The following CYP2C8 variants were observed in gnomAD, a reference collection of about 807,000 sequenced individuals.
CYP2C8 encodes cytochrome P450 family 2 subfamily C member 8.
CYP2C8 carries 51 observed loss-of-function variants against 41.3 expected under a neutral mutation model. That is an observed-to-expected ratio of 1.24 (90% CI 0.99 to 1.56). CYP2C8 has a LOEUF of 1.56. Among genes scored for constraint, CYP2C8 ranks in the 40% most tolerant of loss-of-function variants. The pLI is 0.00. For synonymous variants in CYP2C8, 218 were observed against 205.8 expected, an observed-to-expected ratio of 1.06 and a Z score of -0.51; for missense variants, 651 against 579.9, an observed-to-expected ratio of 1.12 and a Z score of -1.26.
At chr10:95,047,021 C>A (rs1253978546) in intron 5 of CYP2C8, among the ~76,000 whole-genome samples, 1 of 152,126 alleles carries the variant, frequency 6.6e-6, no homozygotes, top group Admixed American at 6.5e-5. Context: ...TTGATGTTAT[C>A]CTGATAATAA....
chr10:95,059,822 A>G (rs1192205096), intron 4 of CYP2C8, among the ~76,000 whole-genome samples: 1 of 152,176 alleles, frequency 6.6e-6, no homozygotes, highest in Non-Finnish European at 1.5e-5. Flanking sequence ...ATTTTTGTAT[A>G]AGGTGTAAGG....
At chr10:95,069,049 C>A (rs556140037) in intron 1 of CYP2C8, 186 bp downstream of exon 1, 28 of 679,226 alleles carry the variant, frequency 4.1e-5, no homozygotes, top group Non-Finnish European at 3.4e-5. Flanking sequence ...GGCAATAGAG[C>A]GAGACTCCGT....
intron 3 of CYP2C8, 47 bp from the exon 4 acceptor site, chr10:95,065,007 T>A: frequency 7.4e-7 from 1 of 1,353,004 alleles, no homozygotes; most frequent in South Asian, 2.0e-5. Context: ...AATAAATATT[T>A]AAAAGATTTG....
intron 4 of CYP2C8, among the ~76,000 whole-genome samples, chr10:95,064,346 G>T (rs1206256582): frequency 1.3e-5 from 2 of 152,182 alleles, no homozygotes; most frequent in African/African-American, 4.8e-5. Context: ...CCCTCCCCCA[G>T]CCTCGCTGCT....
intron 5 of CYP2C8, among the ~76,000 whole-genome samples, chr10:95,054,798 C>T (rs1386099804): frequency 6.6e-6 from 1 of 152,052 alleles, no homozygotes; most frequent in Non-Finnish European, 1.5e-5. Flanking sequence ...GAAATAGTTA[C>T]ATTTGCAATA....
intron 4 of CYP2C8, 61 bp downstream of exon 4, chr10:95,064,739 C>A: frequency 6.5e-7 from 1 of 1,530,034 alleles, no homozygotes; most frequent in Non-Finnish European, 9.0e-7. Context: ...CATTTTTAAA[C>A]CAAGTCTTCC....
chr10:95,058,237 G>T, intron 5 of CYP2C8, 98 bp downstream of exon 5: 1 of 1,537,846 alleles, frequency 6.5e-7, no homozygotes, highest in Non-Finnish European at 8.9e-7. Flanking sequence ...AGCATTACTG[G>T]CCTGATCATT....
chr10:95,048,336 G>A (rs1291352323), intron 5 of CYP2C8, among the ~76,000 whole-genome samples: 1 of 152,158 alleles, frequency 6.6e-6, no homozygotes, highest in Non-Finnish European at 1.5e-5. Context: ...ACAGTGCTTG[G>A]GTTCCACTCT....
chr10:95,045,740 G>T, intron 6 of CYP2C8, 70 bp downstream of exon 6: 2 of 1,576,550 alleles, frequency 1.3e-6, no homozygotes, highest in East Asian at 4.5e-5. Flanking sequence ...GAGAAACAAG[G>T]TGGAGGATAC....
chr10:95,057,703 G>GA (rs1349469866), intron 5 of CYP2C8, among the ~76,000 whole-genome samples: 1 of 152,026 alleles, frequency 6.6e-6, no homozygotes, highest in Non-Finnish European at 1.5e-5. Context: ...AATTCAATAG[G>GA]AAAAAATATA....
intron 3 of CYP2C8, among the ~76,000 whole-genome samples, chr10:95,066,981 T>G (rs957324901): frequency 6.6e-6 from 1 of 152,200 alleles, no homozygotes; most frequent in Non-Finnish European, 1.5e-5. Flanking sequence ...AAAATAGGAT[T>G]AAATGACCTT....
At chr10:95,046,748 TAAAAAAAAA>T (rs56702266) in intron 5 of CYP2C8, among the ~76,000 whole-genome samples, 1 of 128,984 alleles carries the variant, frequency 7.8e-6, no homozygotes, top group Admixed American at 8.0e-5. Context: ...CTAAATATGG[TAAAAAAAAA>T]AAAAAAAAAA....
Position 95,066,677 on chromosome 10 carries a change from C to G in CYP2C8, c.481+531G>C, listed in dbSNP as rs1003776573. Among the ~76,000 whole-genome samples, 3 of 152,224 alleles carry G rather than the reference C, an allele frequency of 2.0e-5. No individual in the cohort carries two copies. In the East Asian group the frequency reaches 5.8e-4, roughly 29 times the overall value. On this transcript the variant is annotated intron_variant, in intron 3 of 8. Coordinates refer to ENST00000371270, the MANE Select transcript of CYP2C8 (RefSeq NM_000770.3). Reference sequence around the variant, plus strand: ...AAGCAAGTAAAACCATACATAGTGTCATTGCTGGCCAGAGCTGTAGGCATG... The same window carrying G: ...AAGCAAGTAAAACCATACATAGTGTGATTGCTGGCCAGAGCTGTAGGCATG...
rs1489483336 is a variant in CYP2C8, at chr10:95,043,216, C to A, written c.962-139G>T. 3 of 736,538 alleles carry A rather than the reference C, an allele frequency of 4.1e-6. No individual in the cohort carries two copies. In the African/African-American group the frequency reaches 5.3e-5, roughly 13 times the overall value. 45.6% of individuals were successfully genotyped at this position (736,538 alleles called of 1,614,324 possible). A position where few individuals can be genotyped will look rare whatever the true frequency, so the allele number is the denominator to read the frequency against. ...GTTACATGTCCAGAAGTACAACCAG[C>A]CATATAAAAAGAATTACCATAATAT... On this transcript the variant is annotated intron_variant, in intron 6 of 8. Transcript: ENST00000371270.
At position 95,067,634 on chromosome 10, in the gene CYP2C8, C is replaced by A; in HGVS notation, c.226G>T (p.Val76Leu). 1.2e-6 allele frequency: 2 copies of A among 1,614,128 alleles called. No individual in the cohort carries two copies. The highest frequency in any genetic ancestry group is 2.7e-5 in the African/African-American group (2 of 75,030). Residue 76 changes from valine to leucine, a missense_variant, in exon 2 of 9, where the codon GTG (valine) becomes TTG (leucine). By Grantham distance (32) the Val-to-Leu change is conservative. Coordinates refer to ENST00000371270, the MANE Select transcript of CYP2C8 (RefSeq NM_000770.3). ...TTCACTGCCTCATATCCATGAAACA[C>A]CACTATGGGATTCATGCCAAAATAC... ...TVYFGMNPIVVFHGYEAVKEA... is the reference protein window; with the variant it reads ...TVYFGMNPIVLFHGYEAVKEA...
intron 8 of CYP2C8, 67 bp from the exon 9 acceptor site, chr10:95,037,376 T>C (rs2032906854): frequency 2.9e-6 from 4 of 1,393,796 alleles, no homozygotes; most frequent in Non-Finnish European, 4.0e-6. Context: ...AAACAGTCAT[T>C]TGTGACTTGC....
At chr10:95,059,615 T>G (rs1317227698) in intron 4 of CYP2C8, among the ~76,000 whole-genome samples, 1 of 152,230 alleles carries the variant, frequency 6.6e-6, no homozygotes, top group African/African-American at 2.4e-5. Flanking sequence ...CTGATGGTAG[T>G]TTCTTTTGCT....
At position 95,058,445 on chromosome 10, in the gene CYP2C8, C is replaced by T. The variant is rs758486634; in HGVS notation, c.709G>A (p.Val237Ile). 1.2e-6 allele frequency: 2 copies of T among 1,613,338 alleles called. No individual in the cohort carries two copies. ...PGTHNKVLKN[V>I]ALTRSYIREK... The stretch of plus-strand genomic sequence containing the variant: ...CTAATGTAACTTCGTGTAAGAGCAA[C>T]ATTTTTAAGCACTTTGTTGTGAGTT... Residue 237 changes from valine to isoleucine, a missense_variant, in exon 5 of 9, where the codon GTT (valine) becomes ATT (isoleucine). Physicochemically the swap from Val to Ile is conservative, Grantham distance 29. Transcript: ENST00000371270.
chr10:95,048,837 G>C (rs930540875), intron 5 of CYP2C8, among the ~76,000 whole-genome samples: 2 of 152,046 alleles, frequency 1.3e-5, no homozygotes, highest in Non-Finnish European at 2.9e-5. Flanking sequence ...ATGGACTAAA[G>C]ACTTAAATAT....
Sources: gnomAD v4.1 joint callset for allele counts (sites outside exome capture counted in the v4.1 genomes callset) on GRCh38, gnomAD v4.1.1 for gene constraint, MANE v1.5 for transcripts, NCBI Gene and HGNC (gene_info 2026-07-23, HGNC 2026-07-21) for gene names.